The following ID3 variants were observed in gnomAD, a reference collection of about 807,000 sequenced individuals.
ID3 encodes inhibitor of DNA binding 3.
Under a neutral mutation model 9.6 loss-of-function variants are expected in ID3, and 4 were observed. The observed-to-expected ratio is 0.42, with a 90% confidence interval of 0.21 to 0.96. The LOEUF (loss-of-function observed/expected upper bound fraction) is 0.96, where lower values mean the gene tolerates loss of function less well. Ranked by LOEUF, ID3 falls within the 40% of genes least tolerant of loss-of-function variation. ID3 has a pLI of 0.30. For synonymous variants in ID3, 108 were observed against 75.2 expected (o/e 1.44, Z -2.26); for missense variants, 191 against 164.5 (o/e 1.16, Z -0.88).
Position 23,558,805 on chromosome 1 carries a change from C to G in ID3, c.*25+130G>C, listed in dbSNP as rs540847790. The G allele has an allele frequency of 7.8e-6, 5 of 642,310 alleles. No individual in the cohort carries two copies. The East Asian group carries it at 8.2e-5, about 11-fold the overall frequency. The allele number at this position is 642,310 out of a possible 1,614,324, so 39.8% of individuals were successfully genotyped here. A position where few individuals can be genotyped will look rare whatever the true frequency, so the allele number is the denominator to read the frequency against. On this transcript the variant is annotated intron_variant, in intron 2 of 2. Transcript: ENST00000374561. ...TGACTCTGCCATTCATTTGATGCAA[C>G]CATGGGCAAGTCACTTGTCCCTCTC...
intron 2 of ID3, 127 bp from the exon 3 acceptor site, chr1:23,558,542 G>C (rs184194605): frequency 5.8e-6 from 1 of 173,434 alleles, no homozygotes; most frequent in African/African-American, 2.4e-5. Context: ...TGATAACTCC[G>C]CGCCCCACGC....
rs1428361435 is a variant in ID3 at position 23,559,459 on chromosome 1, G to A, written c.-33C>T. 5.0e-6 allele frequency: 8 copies of A among 1,591,292 alleles called. No homozygotes were observed. Among genetic ancestry groups the A allele is most frequent in the East Asian group, 4.5e-5 (2 of 44,474 alleles). On this transcript the variant is annotated 5_prime_UTR_variant, in exon 1 of 3. Coordinates refer to ENST00000374561, the MANE Select transcript of ID3 (RefSeq NM_002167.5). ...AGTGAGTCCAGAGGTGCCCCAAAGA[G>A]AAAGAAAACCAAAAGAAGTCCCGCT...
At position 23,557,981 on chromosome 1, in the gene ID3, T is replaced by G. The variant is rs1266921994; in HGVS notation, c.*460A>C. The G allele has an allele frequency of 6.6e-6, 1 of 152,616 alleles. No homozygotes were observed. Among genetic ancestry groups the G allele is most frequent in the African/African-American group, 2.4e-5 (1 of 41,424 alleles). 9.5% of individuals were successfully genotyped at this position (152,616 alleles called of 1,614,324 possible). ...CAAAATGTTAACTTTTATAAAAAGT[T>G]TAATATACATCGCATTGTTACAGAA... is the stretch of plus-strand genomic sequence containing the variant. On this transcript the variant is annotated 3_prime_UTR_variant, in exon 3 of 3. Transcript: ENST00000374561.
intron 1 of ID3, 52 bp from the exon 2 acceptor site, chr1:23,559,071 G>A (rs1570498918): frequency 6.2e-7 from 1 of 1,611,766 alleles, no homozygotes; most frequent in South Asian, 1.1e-5. Flanking sequence ...GGAGCTCCGA[G>A]GGTCCCGCAG....
intron 2 of ID3, chr1:23,558,725 G>GC: frequency 1.8e-6 from 1 of 567,448 alleles, no homozygotes; most frequent in Non-Finnish European, 3.2e-6. Flanking sequence ...CTCGGCCACT[G>GC]CGGGAGGGCA....
chr1:23,559,471 AAAG>A lies in ID3; in HGVS notation c.-48_-46del, dbSNP rs1643693279. 1.3e-6 allele frequency: 2 copies of A among 1,581,390 alleles called. No individual in the cohort carries two copies. Among genetic ancestry groups the A allele is most frequent in the African/African-American group, 1.4e-5 (1 of 73,926 alleles). ...GGTGCCCCAAAGAGAAAGAAAACCA[AAAG>A]AAGTCCCGCTACAGTGACCTGCAAC... On this transcript the variant is annotated 5_prime_UTR_variant, in exon 1 of 3. Transcript: ENST00000374561.
chr1:23,558,856 G>T, intron 2 of ID3, 79 bp downstream of exon 2: 3 of 910,304 alleles, frequency 3.3e-6, no homozygotes, highest in Non-Finnish European at 3.5e-6. Flanking sequence ...TAAACCGAGT[G>T]AGTGGCAATT....
intron 2 of ID3, 68 bp from the exon 3 acceptor site, chr1:23,558,483 TC>T (rs1211011865): frequency 1.9e-5 from 3 of 155,128 alleles, no homozygotes; most frequent in African/African-American, 7.2e-5. Context: ...GCGGGGGCCG[TC>T]CGCAGACTGG....
Position 23,559,402 on chromosome 1 carries a change from C to T in ID3, c.25G>A (p.Gly9Ser), listed in dbSNP as rs528654688. The part of the protein sequence containing the change: MKALSPVR[G>S]CYEAVCCLSE... ...AGGCAGCACACCGCCTCGTAGCAGCCGCGCACCGGGCTCAGCGCCTTCATG... is the reference window on the plus strand; with the variant it reads ...AGGCAGCACACCGCCTCGTAGCAGCTGCGCACCGGGCTCAGCGCCTTCATG... Residue 9 changes from glycine (G) to serine (S), a missense_variant, in exon 1 of 3, where the codon GGC becomes AGC. Coordinates refer to ENST00000374561, the MANE Select transcript of ID3 (RefSeq NM_002167.5). 2.0e-5 allele frequency: 33 copies of T among 1,612,414 alleles called. No homozygotes were observed. The highest frequency in any genetic ancestry group is 1.8e-4 in the South Asian group (16 of 91,010).
At position 23,558,997 on chromosome 1, in the gene ID3, A is replaced by G. The variant is rs762689248; in HGVS notation, c.323T>C (p.Leu108Pro). 3 of 1,614,066 alleles carry G rather than the reference A, an allele frequency of 1.9e-6. No individual in the cohort carries two copies. Among genetic ancestry groups the G allele is most frequent in the Non-Finnish European group, 2.5e-6 (3 of 1,180,020 alleles). Residue 108 changes from leucine (L) to proline (P), a missense_variant, in exon 2 of 3, where the codon CTT becomes CCT. Transcript: ENST00000374561. ...PIQTAELTPE[L>P]VISNDKRSFC... ...GCTCCTTTTGTCGTTGGAGATGACA[A>G]GTTCCGGAGTGAGCTCGGCTGTCTG...
chr1:23,559,375 ACAGG>A lies in ID3; in HGVS notation c.48_51del (p.Leu17ArgfsTer21). 6.2e-7 allele frequency: 1 copy of A among 1,613,100 alleles called. No individual in the cohort carries two copies. The highest frequency in any genetic ancestry group is 8.5e-7 in the Non-Finnish European group (1 of 1,179,966). Reference sequence around the variant, plus strand: ...CGGGCGATGGCCAGACTGCGTTCCGACAGGCAGCACACCGCCTCGTAGCAGCCGC... The same window carrying A: ...CGGGCGATGGCCAGACTGCGTTCCGACAGCACACCGCCTCGTAGCAGCCGC... On this transcript the variant is annotated frameshift_variant, in exon 1 of 3. Coordinates refer to ENST00000374561, the MANE Select transcript of ID3 (RefSeq NM_002167.5). LOFTEE classifies it high-confidence loss of function.
intron 1 of ID3, 29 bp from the exon 2 acceptor site, chr1:23,559,048 C>T (rs180772482): frequency 4.4e-5 from 71 of 1,613,316 alleles, no homozygotes; most frequent in African/African-American, 4.0e-4. Context: ...GGAAGAGTTA[C>T]GCGAGGCAAT....
In ID3 at chr1:23,559,026, A is replaced by G. The variant is rs1391276952; in HGVS notation, c.301-7T>C. ...CCGGAGTGAGCTCGGCTGTCTGATT[A>G]GAGGAAAAGAGGGAAGAGTTACGCG... On this transcript the variant is annotated splice_polypyrimidine_tract_variant and splice_region_variant and intron_variant, in intron 1 of 2. Coordinates refer to ENST00000374561, the MANE Select transcript of ID3 (RefSeq NM_002167.5). The G allele has an allele frequency of 7.4e-6, 12 of 1,613,936 alleles. No homozygotes were observed. The highest frequency in any genetic ancestry group is 1.7e-5 in the Admixed American group (1 of 60,006).
At chr1:23,558,660 A>G (rs567364575) in intron 2 of ID3, 2 of 412,994 alleles carry the variant, frequency 4.8e-6, no homozygotes, top group South Asian at 2.8e-5. Flanking sequence ...CTCCCTATAC[A>G]ACATGGAACA....
Position 23,559,015 on chromosome 1 carries a change from GCTGT to G in ID3, c.301_304del (p.Thr101ProfsTer24). On this transcript the variant is annotated frameshift_variant and splice_region_variant, in exon 2 of 3. Transcript: ENST00000374561. LOFTEE classifies it high-confidence loss of function. ...GATGACAAGTTCCGGAGTGAGCTCG[GCTGT>G]CTGATTAGAGGAAAAGAGGGAAGAG... is the stretch of plus-strand genomic sequence containing the variant. 1 of 1,614,050 alleles carries G rather than the reference GCTGT, an allele frequency of 6.2e-7. No individual in the cohort carries two copies. The highest frequency in any genetic ancestry group is 8.5e-7 in the Non-Finnish European group (1 of 1,180,014).
Position 23,559,492 on chromosome 1 carries a change from C to G in ID3, c.-66G>C, listed in dbSNP as rs1371418378. Reference sequence around the variant, plus strand: ...ACCAAAAGAAGTCCCGCTACAGTGACCTGCAACGCGCGCACGCTCGCCGCG... The same window carrying G: ...ACCAAAAGAAGTCCCGCTACAGTGAGCTGCAACGCGCGCACGCTCGCCGCG... On this transcript the variant is annotated 5_prime_UTR_variant, in exon 1 of 3. Coordinates refer to ENST00000374561, the MANE Select transcript of ID3 (RefSeq NM_002167.5). 69 of 1,514,704 alleles carry G rather than the reference C, an allele frequency of 4.6e-5. No homozygotes were observed. Among genetic ancestry groups the G allele is most frequent in the Non-Finnish European group, 5.7e-5 (64 of 1,129,068 alleles). 93.8% of individuals were successfully genotyped at this position (1,514,704 alleles called of 1,614,324 possible). A position where few individuals can be genotyped will look rare whatever the true frequency, so the allele number is the denominator to read the frequency against.
intron 2 of ID3, 100 bp downstream of exon 2, chr1:23,558,835 C>A: frequency 1.4e-6 from 1 of 735,570 alleles, no homozygotes. Flanking sequence ...CCTCTCTGGC[C>A]TCAGTTTCCC....
intron 2 of ID3, 116 bp downstream of exon 2, chr1:23,558,819 C>T (rs1201707690): frequency 4.5e-6 from 3 of 671,716 alleles, no homozygotes; most frequent in Non-Finnish European, 8.0e-6. Context: ...GGGCAAGTCA[C>T]TTGTCCCTCT....
rs557220544 is a variant in ID3 at position 23,559,373 on chromosome 1, C to T, written c.54G>A (p.Ser18=). The change falls in exon 1 of 3, where the codon TCG becomes TCA. Residue 18 remains serine, a synonymous_variant. Coordinates refer to ENST00000374561, the MANE Select transcript of ID3 (RefSeq NM_002167.5). ...RGCYEAVCCL[S]ERSLAIARGR... ...CCCGGGCGATGGCCAGACTGCGTTC[C>T]GACAGGCAGCACACCGCCTCGTAGC... The T allele has an allele frequency of 6.6e-5, 106 of 1,613,238 alleles. No homozygotes were observed. In the South Asian group the frequency reaches 7.2e-4, roughly 11 times the overall value.
Sources: gnomAD v4.1 joint callset for allele counts on GRCh38, gnomAD v4.1.1 for gene constraint, MANE v1.5 for transcripts, NCBI Gene and HGNC (gene_info 2026-07-23, HGNC 2026-07-21) for gene names.